Variants in ATG16L1 observed in about 807,000 individuals in gnomAD.
ATG16L1 encodes the protein autophagy related 16 like 1.
Under a neutral mutation model 88.5 loss-of-function variants are expected in ATG16L1, and 37 were observed. The observed-to-expected ratio is 0.42, with a 90% confidence interval of 0.32 to 0.55. The LOEUF (loss-of-function observed/expected upper bound fraction) is 0.55, where lower values mean the gene tolerates loss of function less well. Ranked by LOEUF, ATG16L1 falls within the 20% of genes least tolerant of loss-of-function variation. The probability of loss-of-function intolerance (pLI) is 0.13; values close to 1 mark genes in which losing one functional copy is unlikely to be tolerated. For synonymous variants in ATG16L1, 301 were observed against 281.0 expected, an observed-to-expected ratio of 1.07 and a Z score of -0.71; for missense variants, 554 against 752.8, an observed-to-expected ratio of 0.74 and a Z score of 3.09.
chr2:233,292,373 G>A lies in ATG16L1; in HGVS notation c.1581-14G>A, dbSNP rs750919253. ...TGAGCTCCCTCAGTGACAGTGCCCT[G>A]TTGTTTGTTTCAGTGCACCTGGGTT... On this transcript the variant is annotated splice_polypyrimidine_tract_variant and intron_variant, in intron 15 of 17. Transcript: ENST00000392017. The A allele has an allele frequency of 1.2e-5, 19 of 1,613,874 alleles. No homozygotes were observed. The highest frequency in any genetic ancestry group is 1.4e-5 in the Non-Finnish European group (17 of 1,180,020).
At chr2:233,286,779 C>T (rs2125286152) in intron 12 of ATG16L1, among the ~76,000 whole-genome samples, 1 of 151,904 alleles carries the variant, frequency 6.6e-6, no homozygotes, top group South Asian at 2.1e-4. Flanking sequence ...GCGCCCGCCA[C>T]CACGTCCAGC....
chr2:233,256,701 T>C, intron 2 of ATG16L1, among the ~76,000 whole-genome samples: 1 of 151,560 alleles, frequency 6.6e-6, no homozygotes, highest in Non-Finnish European at 1.5e-5. Flanking sequence ...TTCTTTTTTT[T>C]TTTTTTCTTT....
At chr2:233,258,750 G>A (rs1696989705) in intron 2 of ATG16L1, among the ~76,000 whole-genome samples, 1 of 152,188 alleles carries the variant, frequency 6.6e-6, no homozygotes, top group African/African-American at 2.4e-5. Flanking sequence ...AGGCTGGAGT[G>A]CAGTGGCATG....
At chr2:233,275,370 A>C (rs1698278007) in intron 9 of ATG16L1, 1 of 249,772 alleles carries the variant, frequency 4.0e-6, no homozygotes, top group African/African-American at 2.2e-5. Context: ...TACCTGGCTC[A>C]GAACTGTCAA....
chr2:233,253,348 T>G (rs540976907), intron 1 of ATG16L1, among the ~76,000 whole-genome samples: 2,047 of 135,298 alleles, frequency 0.015, 81 homozygotes, highest in African/African-American at 0.055. Flanking sequence ...TTGTTTTTTT[T>G]TTTTTTTTTT....
At chr2:233,282,039 G>A (rs1698751702) in intron 11 of ATG16L1, among the ~76,000 whole-genome samples, 1 of 152,208 alleles carries the variant, frequency 6.6e-6, no homozygotes, top group Non-Finnish European at 1.5e-5. Context: ...ATTGGGGAAT[G>A]ATAAGGAAAT....
chr2:233,283,457 TA>T (rs10634694), intron 12 of ATG16L1, among the ~76,000 whole-genome samples: 170 of 144,132 alleles, frequency 1.2e-3, no homozygotes, highest in South Asian at 0.011. Flanking sequence ...GGCATTTTAC[TA>T]AAAAAAAAAA....
chr2:233,252,484 G>C (rs949770038), intron 1 of ATG16L1, among the ~76,000 whole-genome samples: 2 of 152,072 alleles, frequency 1.3e-5, no homozygotes, highest in African/African-American at 4.8e-5. Flanking sequence ...CCAGGATCAA[G>C]TGATCCTCCC....
chr2:233,259,409 A>G (rs908961176), intron 2 of ATG16L1, among the ~76,000 whole-genome samples: 1 of 152,214 alleles, frequency 6.6e-6, no homozygotes, highest in African/African-American at 2.4e-5. Flanking sequence ...GGGGGTCTCA[A>G]CCAGCTTTAA....
chr2:233,264,874 C>G lies in ATG16L1; in HGVS notation c.390-18C>G. The G allele has an allele frequency of 6.2e-7, 1 of 1,613,300 alleles. No homozygotes were observed. The highest frequency in any genetic ancestry group is 8.5e-7 in the Non-Finnish European group (1 of 1,179,834). On this transcript the variant is annotated intron_variant, in intron 4 of 17. Transcript: ENST00000392017. ...GCTCTGGCGAGGTACTATTCGTCCT[C>G]TGATGTCATGCTTCCAGAATTGCAG... is the stretch of plus-strand genomic sequence containing the variant.
At chr2:233,286,643 T>TTTG (rs1553608374) in intron 12 of ATG16L1, among the ~76,000 whole-genome samples, 82 of 138,928 alleles carry the variant, frequency 5.9e-4, no homozygotes, top group South Asian at 1.3e-3. Flanking sequence ...TTTTTTTTTT[T>TTTG]GAGACAGTGT....
chr2:233,268,052 G>T (rs900395865), intron 5 of ATG16L1, among the ~76,000 whole-genome samples: 5 of 152,156 alleles, frequency 3.3e-5, no homozygotes, highest in Non-Finnish European at 7.3e-5. Flanking sequence ...GGCAGCTGTG[G>T]TTTACCTGGG....
At chr2:233,278,318 G>A (rs779659302) in intron 10 of ATG16L1, among the ~76,000 whole-genome samples, 3 of 152,176 alleles carry the variant, frequency 2.0e-5, no homozygotes, top group Non-Finnish European at 4.4e-5. Context: ...CAGTTTTGAC[G>A]TTTTCGAGAT....
At chr2:233,268,690 G>A (rs1311763741) in intron 5 of ATG16L1, among the ~76,000 whole-genome samples, 1 of 152,198 alleles carries the variant, frequency 6.6e-6, no homozygotes, top group Non-Finnish European at 1.5e-5. Context: ...TTAGTTCACA[G>A]TTGTCTCTAC....
chr2:233,284,998 G>A (rs958860592), intron 12 of ATG16L1, among the ~76,000 whole-genome samples: 6 of 152,218 alleles, frequency 3.9e-5, no homozygotes, highest in African/African-American at 1.4e-4. Context: ...GAGAGCTGAG[G>A]AGCCTATGTT....
At chr2:233,255,526 A>G (rs1398464797) in intron 1 of ATG16L1, among the ~76,000 whole-genome samples, 5 of 152,214 alleles carry the variant, frequency 3.3e-5, no homozygotes, top group Non-Finnish European at 7.3e-5. Flanking sequence ...AATCATTGCC[A>G]GTAAGAAGTC....
In ATG16L1 at chr2:233,256,144, C is replaced by T; in HGVS notation, c.158C>T (p.Ala53Val). 4 of 1,613,956 alleles carry T rather than the reference C, an allele frequency of 2.5e-6. No homozygotes were observed. Among genetic ancestry groups the T allele is most frequent in the Non-Finnish European group, 3.4e-6 (4 of 1,179,964 alleles). The change falls in exon 2 of 18, where the codon GCC becomes GTC. Residue 53 changes from alanine (A) to valine (V), a missense_variant. Ala to Val is a moderately conservative substitution (Grantham distance 64). Coordinates refer to ENST00000392017, the MANE Select transcript of ATG16L1 (RefSeq NM_030803.7). ...LEKSDLHSVL[A>V]QKLQAEKHDV... ...AAGTCAGATCTTCATTCAGTGTTGGCCCAGAAACTACAGGCTGAAAAGCAT... is the reference window on the plus strand; with the variant it reads ...AAGTCAGATCTTCATTCAGTGTTGGTCCAGAAACTACAGGCTGAAAAGCAT...
At chr2:233,261,279 T>G (rs1474419214) in intron 2 of ATG16L1, among the ~76,000 whole-genome samples, 2 of 152,208 alleles carry the variant, frequency 1.3e-5, no homozygotes, top group East Asian at 3.9e-4. Flanking sequence ...ATTTCATGAA[T>G]CTGTTCTATA....
At chr2:233,258,689 T>C (rs1696984579) in intron 2 of ATG16L1, among the ~76,000 whole-genome samples, 1 of 152,238 alleles carries the variant, frequency 6.6e-6, no homozygotes, top group Non-Finnish European at 1.5e-5. Flanking sequence ...TTCTTTTGGC[T>C]AAATTTCACT....
Sources: gnomAD v4.1 joint callset for allele counts (sites outside exome capture counted in the v4.1 genomes callset) on GRCh38, gnomAD v4.1.1 for gene constraint, MANE v1.5 for transcripts, NCBI Gene and HGNC (gene_info 2026-07-23, HGNC 2026-07-21) for gene names.